Variants in PITPNC1 observed in about 807,000 individuals in gnomAD.
The protein encoded by PITPNC1 is phosphatidylinositol transfer protein cytoplasmic 1.
PITPNC1 carries 18 observed loss-of-function variants against 44.7 expected under a neutral mutation model. That is an observed-to-expected ratio of 0.40 (90% CI 0.28 to 0.60). The LOEUF is 0.60. PITPNC1 is among the 20% of genes least tolerant of loss of function. The probability of loss-of-function intolerance (pLI) is 0.39; values close to 1 mark genes in which losing one functional copy is unlikely to be tolerated. For missense variants in PITPNC1, 290 were observed against 418.4 expected (o/e 0.69, Z 2.68); for synonymous variants, 141 against 149.6 (o/e 0.94, Z 0.42).
chr17:67,401,818 A>C (rs1398358754), intron 1 of PITPNC1, among the ~76,000 whole-genome samples: 1 of 152,048 alleles, frequency 6.6e-6, no homozygotes, highest in Admixed American at 6.6e-5. Flanking sequence ...ACTCAAGCCT[A>C]GAAGACAGAG....
intron 1 of PITPNC1, among the ~76,000 whole-genome samples, chr17:67,425,197 GCACACGCACACA>G (rs1464169889): frequency 0.013 from 1,232 of 98,440 alleles, 89 homozygotes; most frequent in African/African-American, 0.018. Flanking sequence ...GCGCGCGCAC[GCACACGCACACA>G]CACACACACA....
intron 8 of PITPNC1, among the ~76,000 whole-genome samples, chr17:67,687,768 T>C (rs1228232917): frequency 1.3e-5 from 2 of 152,136 alleles, no homozygotes; most frequent in East Asian, 3.9e-4. Flanking sequence ...GCCTAGCAGA[T>C]CCCTGGGACT....
At chr17:67,401,213 G>A (rs373099968) in intron 1 of PITPNC1, among the ~76,000 whole-genome samples, 2 of 152,260 alleles carry the variant, frequency 1.3e-5, no homozygotes, top group East Asian at 1.9e-4. Flanking sequence ...GGGATTACAG[G>A]CGTGAGCCAC....
intron 1 of PITPNC1, among the ~76,000 whole-genome samples, chr17:67,455,570 C>T (rs1049508261): frequency 1.3e-5 from 2 of 151,846 alleles, no homozygotes; most frequent in Admixed American, 6.6e-5. Context: ...CAGGTGCGCA[C>T]CACCATGCCC....
At chr17:67,430,186 TCTC>T (rs1197201437) in intron 1 of PITPNC1, among the ~76,000 whole-genome samples, 1 of 152,208 alleles carries the variant, frequency 6.6e-6, no homozygotes, top group Non-Finnish European at 1.5e-5. Flanking sequence ...GATCATTAAT[TCTC>T]CTTACTACTC....
chr17:67,397,079 C>G (rs899505033), intron 1 of PITPNC1, among the ~76,000 whole-genome samples: 2 of 152,268 alleles, frequency 1.3e-5, no homozygotes, highest in Admixed American at 1.3e-4. Context: ...CTCCCAGGTT[C>G]AAGCGATTCT....
At chr17:67,552,394 T>C (rs2040778441) in intron 3 of PITPNC1, 49 bp downstream of exon 3, 3 of 939,340 alleles carry the variant, frequency 3.2e-6, no homozygotes, top group Non-Finnish European at 5.3e-6. Context: ...TGCAAGGACA[T>C]AGCATAGTTG....
chr17:67,596,782 G>A (rs903860953), intron 5 of PITPNC1, among the ~76,000 whole-genome samples: 7 of 152,116 alleles, frequency 4.6e-5, no homozygotes, highest in African/African-American at 1.7e-4. Context: ...GTTCCCTTGG[G>A]TGTTCCTTAA....
At chr17:67,477,569 A>AT (rs150351764) in intron 1 of PITPNC1, among the ~76,000 whole-genome samples, 36,924 of 150,154 alleles carry the variant, frequency 0.25, 5,301 homozygotes, top group Non-Finnish European at 0.33. Context: ...TTATTTATTT[A>AT]TTTATTTTTT....
intron 5 of PITPNC1, among the ~76,000 whole-genome samples, chr17:67,606,182 GA>G (rs978180136): frequency 1.3e-5 from 2 of 151,950 alleles, no homozygotes; most frequent in African/African-American, 4.8e-5. Context: ...TAGTTTGGTT[GA>G]AAAAAAGTCT....
intron 4 of PITPNC1, among the ~76,000 whole-genome samples, chr17:67,561,603 T>C (rs895571638): frequency 2.6e-5 from 4 of 152,220 alleles, no homozygotes; most frequent in African/African-American, 9.7e-5. Flanking sequence ...TAAACATCGA[T>C]TCTACTTTCT....
chr17:67,502,811 G>T (rs573979820), intron 1 of PITPNC1, among the ~76,000 whole-genome samples: 1 of 125,388 alleles, frequency 8.0e-6, no homozygotes, highest in African/African-American at 3.6e-5. Context: ...TTGTATTTTA[G>T]AGATGGAGTC....
Position 67,696,643 on chromosome 17 carries a change from T to G in PITPNC1, c.*3755T>G, listed in dbSNP as rs2144494112. The G allele has an allele frequency of 6.6e-6, 1 of 152,360 alleles. No individual in the cohort carries two copies. The highest frequency in any genetic ancestry group is 2.1e-4 in the South Asian group (1 of 4,832). The allele number at this position is 152,360 out of a possible 1,614,324, so 9.4% of individuals were successfully genotyped here. A position where few individuals can be genotyped will look rare whatever the true frequency, so the allele number is the denominator to read the frequency against. ...AACTATTTTAACTATTCATTCTTGCTGAAACTGAAGTGTACACAATAGCAC... is the reference window on the plus strand; with the variant it reads ...AACTATTTTAACTATTCATTCTTGCGGAAACTGAAGTGTACACAATAGCAC... On this transcript the variant is annotated 3_prime_UTR_variant, in exon 9 of 9. Coordinates refer to ENST00000581322, the MANE Select transcript of PITPNC1 (RefSeq NM_012417.4).
chr17:67,615,483 C>A (rs1052733278), intron 5 of PITPNC1, among the ~76,000 whole-genome samples: 19 of 152,060 alleles, frequency 1.2e-4, no homozygotes, highest in African/African-American at 4.6e-4. Flanking sequence ...CCCCACCGCA[C>A]GAGCCATAGC....
intron 1 of PITPNC1, among the ~76,000 whole-genome samples, chr17:67,394,897 G>T (rs568190979): frequency 2.0e-5 from 3 of 149,034 alleles, no homozygotes; most frequent in Non-Finnish European, 4.5e-5. Context: ...CCCGTCTCGA[G>T]GAAAAAAAAA....
chr17:67,687,035 C>T (rs1567781215), intron 8 of PITPNC1: 9 of 1,241,984 alleles, frequency 7.2e-6, no homozygotes, highest in Admixed American at 1.7e-5. Flanking sequence ...CATCTAATAA[C>T]GGAAGTTGCC....
At chr17:67,636,201 G>T (rs1409997345) in intron 6 of PITPNC1, among the ~76,000 whole-genome samples, 1 of 150,746 alleles carries the variant, frequency 6.6e-6, no homozygotes, top group African/African-American at 2.5e-5. Context: ...GTGAGGCTGA[G>T]GCAGGAGAAT....
Position 67,608,897 on chromosome 17 carries a change from TC to T in PITPNC1, c.367-23245del, listed in dbSNP as rs1279608874. 2.0e-5 allele frequency among the ~76,000 whole-genome samples: 3 copies of T among 152,256 alleles called. No individual in the cohort carries two copies. In the East Asian group the frequency reaches 5.8e-4, roughly 29 times the overall value. On this transcript the variant is annotated intron_variant, in intron 5 of 8. Coordinates refer to ENST00000581322, the MANE Select transcript of PITPNC1 (RefSeq NM_012417.4). Reference sequence around the variant, plus strand: ...TGTTGCTGGGTTTTCCCCATTGTGTTCTCATGATTAGATTCAGACTGTGCAT... The same window carrying T: ...TGTTGCTGGGTTTTCCCCATTGTGTTTCATGATTAGATTCAGACTGTGCAT...
At chr17:67,552,213 C>T in intron 2 of PITPNC1, 44 bp from the exon 3 acceptor site, 1 of 962,186 alleles carries the variant, frequency 1.0e-6, no homozygotes, top group South Asian at 1.3e-5. Flanking sequence ...TGTGGTGAGA[C>T]TCTGAACAGA....
Sources: allele counts gnomAD v4.1 joint callset (sites outside exome capture counted in the v4.1 genomes callset), GRCh38; gene constraint gnomAD v4.1.1; transcripts MANE v1.5; gene names NCBI Gene and HGNC (gene_info 2026-07-23, HGNC 2026-07-21).